USHBP1: variants seen among roughly 807,000 people sequenced by gnomAD.
USHBP1 encodes harmonin-binding protein USHBP1.
USHBP1 carries 67 observed loss-of-function variants against 76.2 expected under a neutral mutation model. The observed-to-expected ratio is 0.88, with a 90% CI of 0.72 to 1.08. USHBP1 has a LOEUF of 1.08. USHBP1 is among the 50% of genes least tolerant of loss of function. The pLI is 0.00. For missense variants in USHBP1, 931 were observed against 915.0 expected (o/e 1.02, Z -0.23); for synonymous variants, 322 against 362.2 (o/e 0.89, Z 1.26).
intron 12 of USHBP1, among the ~76,000 whole-genome samples, chr19:17,251,007 T>C (rs2073543781): frequency 6.6e-6 from 1 of 151,972 alleles, no homozygotes; most frequent in Admixed American, 6.6e-5. Flanking sequence ...ATCACAGGCA[T>C]GCGCCACCAC....
rs930442023 is a variant in USHBP1, at chr19:17,259,963, G to T, written c.702C>A (p.Asn234Lys). 2 of 1,613,960 alleles carry T rather than the reference G, an allele frequency of 1.2e-6. No individual in the cohort carries two copies. The highest frequency in any genetic ancestry group is 1.7e-6 in the Non-Finnish European group (2 of 1,180,010). Reference protein sequence around the residue: ...RLEPCPHLSHNQAGGSGSGSS... With the variant: ...RLEPCPHLSHKQAGGSGSGSS... ...AACCACTGCCTGAGCCACCTGCTTG[G>T]TTGTGGGAAAGATGTGGGCAGGGCT... Residue 234 changes from asparagine (N) to lysine (K), a missense_variant, in exon 5 of 13, where the codon AAC (asparagine) becomes AAA (lysine). Physicochemically the swap from Asn to Lys is moderately conservative, Grantham distance 94. Coordinates refer to ENST00000252597, the MANE Select transcript of USHBP1 (RefSeq NM_031941.4).
intron 4 of USHBP1, among the ~76,000 whole-genome samples, chr19:17,261,883 C>T (rs2073693694): frequency 6.6e-6 from 1 of 151,860 alleles, no homozygotes; most frequent in Non-Finnish European, 1.5e-5. Context: ...CAAGGTTTCA[C>T]CATGTTGGCC....
Position 17,250,064 on chromosome 19 carries a change from G to A in USHBP1, c.*161C>T, listed in dbSNP as rs1426926934. The A allele has an allele frequency of 9.4e-6, 7 of 744,424 alleles. No individual in the cohort carries two copies. Among genetic ancestry groups the A allele is most frequent in the Non-Finnish European group, 1.5e-5 (7 of 472,050 alleles). The allele number at this position is 744,424 out of a possible 1,614,324, so 46.1% of individuals were successfully genotyped here. ...CACCTGAGTCTTTCTTCATTGCCTG[G>A]CCACACCCCATCAGGCCCTGGACAC... On this transcript the variant is annotated 3_prime_UTR_variant, in exon 13 of 13. Transcript: ENST00000252597.
At chr19:17,260,172 A>C in intron 4 of USHBP1, 150 bp from the exon 5 acceptor site, 1 of 1,105,724 alleles carries the variant, frequency 9.0e-7, no homozygotes. Flanking sequence ...TCACTATCTG[A>C]CCTTGGGAAT....
chr19:17,251,844 C>G, intron 11 of USHBP1, 67 bp downstream of exon 11: 1 of 1,518,224 alleles, frequency 6.6e-7, no homozygotes, highest in Non-Finnish European at 8.8e-7. Flanking sequence ...CTGCAGACGA[C>G]ACCCCCGGGG....
chr19:17,258,812 C>T (rs576769419), intron 7 of USHBP1: 55 of 260,512 alleles, frequency 2.1e-4, no homozygotes, highest in African/African-American at 1.0e-3. Context: ...CTCTTCTCCC[C>T]ACTGCCCTCA....
intron 12 of USHBP1, among the ~76,000 whole-genome samples, chr19:17,251,098 G>A (rs561366520): frequency 6.6e-6 from 1 of 151,404 alleles, no homozygotes; most frequent in East Asian, 1.9e-4. Context: ...GACCTCAGGT[G>A]ATCTGCCCAC....
rs549014383 is a variant in USHBP1 at position 17,262,161 on chromosome 19, C to T, written c.642+391G>A. 2.8e-4 allele frequency among the ~76,000 whole-genome samples: 42 copies of T among 152,122 alleles called. No homozygotes were observed. The East Asian group carries it at 3.7e-3, about 13-fold the overall frequency. On this transcript the variant is annotated intron_variant, in intron 4 of 12. Transcript: ENST00000252597. ...GATTACAGGCCTATGCCACCGCACCCGGCTAATTTTTTTTTGTATTTTTAG... is the reference window on the plus strand; with the variant it reads ...GATTACAGGCCTATGCCACCGCACCTGGCTAATTTTTTTTTGTATTTTTAG...
chr19:17,253,718 A>T (rs1270173393), intron 10 of USHBP1, among the ~76,000 whole-genome samples: 2 of 147,542 alleles, frequency 1.4e-5, no homozygotes, highest in African/African-American at 5.0e-5. Context: ...ACATGGTGAA[A>T]CCCTGTCACT....
At chr19:17,258,570 G>A (rs1261660205) in intron 7 of USHBP1, 185 bp from the exon 8 acceptor site, 1 of 582,276 alleles carries the variant, frequency 1.7e-6, no homozygotes, top group Non-Finnish European at 2.9e-6. Flanking sequence ...TTAGCAAGGT[G>A]TGGTGGTACG....
intron 8 of USHBP1, 96 bp from the exon 9 acceptor site, chr19:17,256,816 A>G (rs2073626084): frequency 2.4e-5 from 37 of 1,524,272 alleles, no homozygotes; most frequent in Non-Finnish European, 3.2e-5. Context: ...CTTCCATCTC[A>G]CTGGCCACGA....
In USHBP1 at chr19:17,250,529, C is replaced by T. The variant is rs1304828918; in HGVS notation, c.1923-115G>A. Reference sequence around the variant, plus strand: ...TTTCACATTGGGTCTCCAAGGGTCCCAGCTAGCTGGTCTTTTGTTGTTGTT... The same window carrying T: ...TTTCACATTGGGTCTCCAAGGGTCCTAGCTAGCTGGTCTTTTGTTGTTGTT... On this transcript the variant is annotated intron_variant, in intron 12 of 12. Coordinates refer to ENST00000252597, the MANE Select transcript of USHBP1 (RefSeq NM_031941.4). 3 of 1,218,680 alleles carry T rather than the reference C, an allele frequency of 2.5e-6. No homozygotes were observed. In the Admixed American group the frequency reaches 7.9e-5, roughly 32 times the overall value. 75.5% of individuals were successfully genotyped at this position (1,218,680 alleles called of 1,614,324 possible). A position where few individuals can be genotyped will look rare whatever the true frequency, so the allele number is the denominator to read the frequency against.
intron 7 of USHBP1, chr19:17,258,708 CA>C (rs34398867): frequency 0.094 from 8,966 of 95,162 alleles, 4 homozygotes; most frequent in South Asian, 0.18. Context: ...GACTCTGTCT[CA>C]AAAAAAAAAA....
At chr19:17,257,044 G>A (rs1392716121) in intron 8 of USHBP1, among the ~76,000 whole-genome samples, 5 of 143,834 alleles carry the variant, frequency 3.5e-5, no homozygotes, top group Middle Eastern at 3.5e-3. Context: ...TTTTTGAGAC[G>A]CAGTCTTGCT....
At position 17,258,342 on chromosome 19, in the gene USHBP1, C is replaced by T. The variant is rs1456215705; in HGVS notation, c.1090G>A (p.Glu364Lys). The change falls in exon 8 of 13, where the codon GAG becomes AAG. Residue 364 changes from glutamate to lysine, a missense_variant. Physicochemically the swap from Glu to Lys is moderately conservative, Grantham distance 56. Transcript: ENST00000252597. ...EAYRVLLALR[E>K]ADSGAGDEAP... ...TCGTCTCCTGCTCCTGAGTCGGCCT[C>T]CCGCAGAGCAAGCAGAACCCTGTAT... is the stretch of plus-strand genomic sequence containing the variant. The T allele has an allele frequency of 3.7e-6, 6 of 1,613,896 alleles. No homozygotes were observed. Among genetic ancestry groups the T allele is most frequent in the Non-Finnish European group, 3.4e-6 (4 of 1,180,022 alleles).
At chr19:17,256,747 G>A (rs746473547) in intron 8 of USHBP1, 27 bp from the exon 9 acceptor site, 1 of 1,613,624 alleles carries the variant, frequency 6.2e-7, no homozygotes, top group South Asian at 1.1e-5. Flanking sequence ...AGGTGCCTAT[G>A]TCAACACTGG....
chr19:17,262,860 CA>C lies in USHBP1; in HGVS notation c.333del (p.Asn113MetfsTer14), dbSNP rs1422116296. 6.2e-7 allele frequency: 1 copy of C among 1,612,864 alleles called. No homozygotes were observed. The highest frequency in any genetic ancestry group is 1.7e-5 in the Admixed American group (1 of 59,926). On this transcript the variant is annotated frameshift_variant, in exon 4 of 13. Coordinates refer to ENST00000252597, the MANE Select transcript of USHBP1 (RefSeq NM_031941.4). LOFTEE classifies it high-confidence loss of function. Reference sequence around the variant, plus strand: ...TGAAACACATCGGGGGCCCCATTCCCAGGGGGCACAGTCTCCTTGTACTGTA... The same window carrying C: ...TGAAACACATCGGGGGCCCCATTCCCGGGGGCACAGTCTCCTTGTACTGTA... ...AALQYKETVP[P>X]GNGAPDVFQT...
At chr19:17,259,494 C>T in intron 6 of USHBP1, 65 bp from the exon 7 acceptor site, 1 of 1,608,802 alleles carries the variant, frequency 6.2e-7, no homozygotes, top group Non-Finnish European at 8.5e-7. Context: ...CCTCAATTTC[C>T]ACCCTTTCCC....
At chr19:17,251,053 T>C (rs751170338) in intron 12 of USHBP1, among the ~76,000 whole-genome samples, 5 of 151,582 alleles carry the variant, frequency 3.3e-5, no homozygotes, top group Non-Finnish European at 7.4e-5. Context: ...AGAGATGGGG[T>C]TTCTCCATGT....
Sources: allele counts gnomAD v4.1 joint callset (sites outside exome capture counted in the v4.1 genomes callset), GRCh38; gene constraint gnomAD v4.1.1; transcripts MANE v1.5; gene names NCBI Gene and HGNC (gene_info 2026-07-23, HGNC 2026-07-21).